RNGTT: variants seen among roughly 807,000 people sequenced by gnomAD.
RNGTT encodes RNA guanylyltransferase and 5'-phosphatase, also known as mRNA-capping enzyme.
Under a neutral mutation model 79.3 loss-of-function variants are expected in RNGTT, and 33 were observed. That is an observed-to-expected ratio of 0.42 (90% CI 0.32 to 0.56). RNGTT has a LOEUF of 0.56. RNGTT is among the 20% of genes least tolerant of loss of function. RNGTT has a pLI of 0.17. For missense variants in RNGTT, 497 were observed against 739.1 expected (o/e 0.67, Z 3.80); for synonymous variants, 222 against 235.9 (o/e 0.94, Z 0.54).
At chr6:88,835,976 AC>A (rs1379532855) in intron 11 of RNGTT, among the ~76,000 whole-genome samples, 31 of 22,446 alleles carry the variant, frequency 1.4e-3, no homozygotes, top group South Asian at 0.011. Flanking sequence ...TCTATTAAAA[AC>A]ACACACACAC....
intron 13 of RNGTT, among the ~76,000 whole-genome samples, chr6:88,720,923 A>G (rs900595365): frequency 2.6e-5 from 4 of 152,068 alleles, no homozygotes; most frequent in East Asian, 1.9e-4. Flanking sequence ...ACGTCAAACC[A>G]TGTTTTTTAT....
chr6:88,809,150 A>C (rs576541015), intron 11 of RNGTT, among the ~76,000 whole-genome samples: 1 of 152,274 alleles, frequency 6.6e-6, no homozygotes, highest in South Asian at 2.1e-4. Flanking sequence ...AGAGATGAAA[A>C]CAATACATAC....
intron 14 of RNGTT, among the ~76,000 whole-genome samples, chr6:88,656,877 C>G (rs1012335765): frequency 6.6e-6 from 1 of 151,814 alleles, no homozygotes; most frequent in African/African-American, 2.4e-5. Context: ...CTTGCTTGAG[C>G]CCAGGAGTTC....
chr6:88,781,168 C>T (rs1310019945), intron 12 of RNGTT, among the ~76,000 whole-genome samples: 1 of 152,142 alleles, frequency 6.6e-6, no homozygotes, highest in East Asian at 1.9e-4. Context: ...CTCTTTGCCT[C>T]TACTAACGTA....
In RNGTT at chr6:88,904,849, G is replaced by A; in HGVS notation, c.550C>T (p.Pro184Ser). 6.2e-7 allele frequency: 1 copy of A among 1,613,864 alleles called. No homozygotes were observed. The highest frequency in any genetic ancestry group is 2.2e-5 in the East Asian group (1 of 44,868). ...FRRYGDIEEA[P>S]PPPLLPDWCF... ...CAATCTGGCAATAGAGGTGGGGGTG[G>A]TGCTTCCTCTATGTCACCATACCGA... Residue 184 changes from proline to serine, a missense_variant, in exon 6 of 16, where the codon CCA (proline) becomes TCA (serine). Around this residue, in one of 3 missense-constraint regions of RNGTT, gnomAD observed 440 missense variants for 671.5 expected, o/e 0.66. Coordinates refer to ENST00000369485, the MANE Select transcript of RNGTT (RefSeq NM_003800.5).
At chr6:88,739,777 ATG>A (rs1405386149) in intron 13 of RNGTT, among the ~76,000 whole-genome samples, 37 of 96,704 alleles carry the variant, frequency 3.8e-4, no homozygotes, top group Non-Finnish European at 6.6e-4. Flanking sequence ...ATATATATAT[ATG>A]TTAACACATG....
intron 14 of RNGTT, among the ~76,000 whole-genome samples, chr6:88,629,573 G>A (rs1301269069): frequency 1.3e-5 from 2 of 152,030 alleles, no homozygotes; most frequent in Non-Finnish European, 2.9e-5. Flanking sequence ...TCCAGTGAGG[G>A]TAAGGAGAAT....
At chr6:88,871,577 T>G (rs1782358554) in intron 8 of RNGTT, among the ~76,000 whole-genome samples, 1 of 152,194 alleles carries the variant, frequency 6.6e-6, no homozygotes, top group African/African-American at 2.4e-5. Context: ...TACTTTTATC[T>G]TGGGTGTTCT....
intron 8 of RNGTT, among the ~76,000 whole-genome samples, chr6:88,888,677 CAT>C (rs1248998626): frequency 6.6e-6 from 1 of 152,102 alleles, no homozygotes; most frequent in Non-Finnish European, 1.5e-5. Context: ...AACAAATAAA[CAT>C]ATAAATATCA....
Position 88,906,359 on chromosome 6 carries a change from A to G in RNGTT, c.443+6T>C, listed in dbSNP as rs138010284. 1.1e-3 allele frequency: 1,766 copies of G among 1,559,628 alleles called. 21 individuals carry two copies. The African/African-American group carries it at 0.019, about 17-fold the overall frequency. ...TACATCTTCCATTATAACAAGATAC[A>G]AATACCTCCAATCCATTTTCTCCAC... On this transcript the variant is annotated splice_donor_region_variant and intron_variant, in intron 5 of 15. Coordinates refer to ENST00000369485, the MANE Select transcript of RNGTT (RefSeq NM_003800.5).
chr6:88,701,450 G>A (rs1179984570), intron 13 of RNGTT, among the ~76,000 whole-genome samples: 1 of 151,932 alleles, frequency 6.6e-6, no homozygotes, highest in Admixed American at 6.6e-5. Flanking sequence ...ATATATGCGT[G>A]TGTATATTTA....
intron 13 of RNGTT, among the ~76,000 whole-genome samples, chr6:88,695,549 T>C (rs941201470): frequency 6.6e-6 from 1 of 152,160 alleles, no homozygotes; most frequent in African/African-American, 2.4e-5. Context: ...ATACTATTGG[T>C]GGGAATGTAA....
intron 13 of RNGTT, among the ~76,000 whole-genome samples, chr6:88,679,188 A>G (rs542642780): frequency 6.6e-6 from 1 of 152,298 alleles, no homozygotes; most frequent in African/African-American, 2.4e-5. Context: ...AAATACCTAT[A>G]ACCTTAACAA....
Position 88,904,717 on chromosome 6 carries a change from G to A in RNGTT, c.682C>T (p.Leu228=). 1 of 1,611,636 alleles carries A rather than the reference G, an allele frequency of 6.2e-7. No individual in the cohort carries two copies. The highest frequency in any genetic ancestry group is 1.7e-4 in the Middle Eastern group (1 of 6,050). The change falls in exon 6 of 16, where the codon CTG becomes TTG. Residue 228 remains leucine (L), a splice_region_variant and synonymous_variant. Coordinates refer to ENST00000369485, the MANE Select transcript of RNGTT (RefSeq NM_003800.5). Reference sequence around the variant, plus strand: ...ATTATAATATTTTTAAACATTACCAGTTTTAACCGTTCTTTTCTCCTTTTG... The same window carrying A: ...ATTATAATATTTTTAAACATTACCAATTTTAACCGTTCTTTTCTCCTTTTG... ...FGKRRKERLK[L]GAIFLEGVTV...
chr6:88,807,678 T>C (rs1429696231), intron 11 of RNGTT, among the ~76,000 whole-genome samples: 3 of 151,938 alleles, frequency 2.0e-5, no homozygotes, highest in Non-Finnish European at 4.4e-5. Flanking sequence ...ATGCCTCCAA[T>C]TGCTACAAAA....
At chr6:88,923,400 TACC>T (rs1278066596) in intron 4 of RNGTT, among the ~76,000 whole-genome samples, 2 of 152,198 alleles carry the variant, frequency 1.3e-5, no homozygotes, top group Non-Finnish European at 2.9e-5. Context: ...TCTTGAGAAA[TACC>T]ACCATGTTCT....
chr6:88,944,813 T>A (rs1290959246), intron 1 of RNGTT, among the ~76,000 whole-genome samples: 1 of 152,208 alleles, frequency 6.6e-6, no homozygotes, highest in Non-Finnish European at 1.5e-5. Context: ...TGAGCTCCCA[T>A]TCAAGATAGC....
At chr6:88,631,775 C>T (rs552221704) in intron 14 of RNGTT, among the ~76,000 whole-genome samples, 2 of 152,146 alleles carry the variant, frequency 1.3e-5, no homozygotes, top group South Asian at 2.1e-4. Context: ...GAAAAGCATC[C>T]GTCAGGAACC....
chr6:88,768,139 A>AGTGTGTGTGTGTGTGTGT (rs71021394), intron 13 of RNGTT, among the ~76,000 whole-genome samples: 86 of 148,902 alleles, frequency 5.8e-4, no homozygotes, highest in African/African-American at 2.0e-3. Flanking sequence ...ATTTAGGGAT[A>AGTGTGTGTGTGTGTGTGT]GTGTGTGTGT....
Sources: gnomAD v4.1 joint callset for allele counts (sites outside exome capture counted in the v4.1 genomes callset) on GRCh38, gnomAD v4.1.1 for gene constraint, gnomAD v4.1.1 regional missense constraint, MANE v1.5 for transcripts, NCBI Gene and HGNC (gene_info 2026-07-23, HGNC 2026-07-21) for gene names.